The following AKAP10 variants were observed in gnomAD, a reference collection of about 807,000 sequenced individuals.
AKAP10 encodes A-kinase anchor protein 10, mitochondrial.
Under a neutral mutation model 80.8 loss-of-function variants are expected in AKAP10, and 24 were observed. The ratio of observed to expected loss-of-function variants is 0.30; its 90% CI spans 0.22 to 0.42. The LOEUF (loss-of-function observed/expected upper bound fraction) is 0.42. Among genes scored for constraint, AKAP10 ranks in the 10% least tolerant of loss-of-function variants. AKAP10 has a pLI of 1.00. For synonymous variants in AKAP10, 291 were observed against 277.7 expected, an observed-to-expected ratio of 1.05 and a Z score of -0.48; for missense variants, 661 against 794.9, an observed-to-expected ratio of 0.83 and a Z score of 2.03.
intron 10 of AKAP10, among the ~76,000 whole-genome samples, chr17:19,927,449 T>C (rs2152412261): frequency 6.6e-6 from 1 of 152,320 alleles, no homozygotes; most frequent in East Asian, 1.9e-4. Context: ...GGGACATTTA[T>C]CTAGAATATA....
Position 19,946,227 on chromosome 17 carries a change from T to TACTA in AKAP10, c.976+1179_976+1180insTAGT, listed in dbSNP as rs1567765372. 2.4e-3 allele frequency among the ~76,000 whole-genome samples: 55 copies of TACTA among 22,482 alleles called. 7 individuals are homozygous for TACTA. Among genetic ancestry groups the TACTA allele is most frequent in the African/African-American group, 9.4e-3 (53 of 5,618 alleles). 14.7% of individuals were successfully genotyped at this position (22,482 alleles called of 152,430 possible). On this transcript the variant is annotated intron_variant, in intron 5 of 14. Coordinates refer to ENST00000225737, the MANE Select transcript of AKAP10 (RefSeq NM_007202.4). ...ATTTTATATATATATATATTTTATA[T>TACTA]ATATATATATTATATATATATATAT...
chr17:19,942,689 G>A (rs1385509682), intron 5 of AKAP10, among the ~76,000 whole-genome samples: 6 of 152,146 alleles, frequency 3.9e-5, no homozygotes, highest in Admixed American at 3.9e-4. Context: ...ATAAACTGCA[G>A]CGAAACAATT....
intron 4 of AKAP10, among the ~76,000 whole-genome samples, chr17:19,951,795 A>T (rs1401565856): frequency 6.8e-6 from 1 of 147,028 alleles, no homozygotes; most frequent in Admixed American, 6.9e-5. Flanking sequence ...AAAACCAGAG[A>T]CCTTGTTCAC....
chr17:19,920,953 G>A (rs1381471614), intron 11 of AKAP10, among the ~76,000 whole-genome samples: 7 of 125,562 alleles, frequency 5.6e-5, no homozygotes, highest in Non-Finnish European at 1.2e-4. Context: ...GAGAAACATA[G>A]AGAATCTTTT....
At chr17:19,946,270 TATATA>T (rs1441874542) in intron 5 of AKAP10, among the ~76,000 whole-genome samples, 21 of 31,370 alleles carry the variant, frequency 6.7e-4, no homozygotes, top group South Asian at 3.1e-3. Context: ...TATATATATA[TATATA>T]TTTTTTTTTT....
chr17:19,912,953 A>G (rs1427758160), intron 12 of AKAP10, among the ~76,000 whole-genome samples: 1 of 151,570 alleles, frequency 6.6e-6, no homozygotes, highest in Non-Finnish European at 1.5e-5. Flanking sequence ...ACAGACCACA[A>G]TCTCCACATT....
At chr17:19,953,888 C>T (rs1018661335) in intron 4 of AKAP10, among the ~76,000 whole-genome samples, 13 of 152,098 alleles carry the variant, frequency 8.5e-5, no homozygotes, top group Admixed American at 4.6e-4. Flanking sequence ...AAAAATTAGT[C>T]GGGCATGGTG....
At chr17:19,956,046 A>C (rs1398374680) in intron 4 of AKAP10, among the ~76,000 whole-genome samples, 2 of 152,192 alleles carry the variant, frequency 1.3e-5, no homozygotes, top group African/African-American at 4.8e-5. Context: ...AGAATTTTGG[A>C]GTTTTACAGG....
At chr17:19,916,219 T>C (rs1165813238) in intron 12 of AKAP10, among the ~76,000 whole-genome samples, 1 of 152,170 alleles carries the variant, frequency 6.6e-6, no homozygotes, top group Non-Finnish European at 1.5e-5. Flanking sequence ...AAAATAGCAC[T>C]CCCTACTACT....
At chr17:19,976,626 T>C (rs1177076646) in intron 1 of AKAP10, among the ~76,000 whole-genome samples, 1 of 151,968 alleles carries the variant, frequency 6.6e-6, no homozygotes. Flanking sequence ...TTCAAGCGAT[T>C]CTCCTGCTTC....
intron 7 of AKAP10, among the ~76,000 whole-genome samples, chr17:19,940,528 A>T (rs1056388451): frequency 6.6e-5 from 10 of 152,170 alleles, no homozygotes; most frequent in Non-Finnish European, 1.0e-4. Flanking sequence ...TGATGAGCAT[A>T]AGAAAAAATT....
chr17:19,944,994 C>T (rs1303825558), intron 5 of AKAP10, among the ~76,000 whole-genome samples: 4 of 152,100 alleles, frequency 2.6e-5, no homozygotes, highest in Non-Finnish European at 4.4e-5. Flanking sequence ...TTAAAATAGT[C>T]CAACTGCAAG....
rs2042938328 is a variant in AKAP10, at chr17:19,931,903, C to A, written c.1543G>T (p.Asp515Tyr). The change falls in exon 10 of 15, where the codon GAT (aspartate) becomes TAT (tyrosine). Residue 515 changes from aspartate to tyrosine, a missense_variant. By Grantham distance (160) the Asp-to-Tyr change is radical. Coordinates refer to ENST00000225737, the MANE Select transcript of AKAP10 (RefSeq NM_007202.4). ...GACACGTTCCCGCCCAGAAATTCAT[C>A]TCCTCGAACCGAATGGATGAGATCA... ...LNDLIHSVRG[D>Y]EFLGGNVSLT... 1 of 1,613,982 alleles carries A rather than the reference C, an allele frequency of 6.2e-7. No homozygotes were observed. The highest frequency in any genetic ancestry group is 8.5e-7 in the Non-Finnish European group (1 of 1,180,042).
At chr17:19,968,505 G>C in intron 1 of AKAP10, 44 bp from the exon 2 acceptor site, 1 of 1,500,108 alleles carries the variant, frequency 6.7e-7, no homozygotes, top group Non-Finnish European at 9.3e-7. Flanking sequence ...TGCAGTCAGA[G>C]ATCCATTCTA....
At chr17:19,974,539 C>T (rs2043541275) in intron 1 of AKAP10, among the ~76,000 whole-genome samples, 1 of 152,060 alleles carries the variant, frequency 6.6e-6, no homozygotes, top group Non-Finnish European at 1.5e-5. Flanking sequence ...CAAACTGAAC[C>T]TAAAGTTGGA....
At chr17:19,973,275 G>A (rs947063886) in intron 1 of AKAP10, among the ~76,000 whole-genome samples, 4 of 152,156 alleles carry the variant, frequency 2.6e-5, no homozygotes, top group Non-Finnish European at 4.4e-5. Flanking sequence ...CCCACTACCA[G>A]TTTTTGTAAG....
At position 19,975,770 on chromosome 17, in the gene AKAP10, C is replaced by A. The variant is rs565421649; in HGVS notation, c.88+1822G>T. Among the ~76,000 whole-genome samples, 7 of 152,264 alleles carry A rather than the reference C, an allele frequency of 4.6e-5. 1 individual carries two copies. In the South Asian group the frequency reaches 1.4e-3, roughly 32 times the overall value. On this transcript the variant is annotated intron_variant, in intron 1 of 14. Coordinates refer to ENST00000225737, the MANE Select transcript of AKAP10 (RefSeq NM_007202.4). The stretch of plus-strand genomic sequence containing the variant: ...GGCCTAGCACAGCACCTGGCAGACT[C>A]TGGACACTCAAAAGGTATTTGTTGA...
chr17:19,971,421 A>G (rs112296946), intron 1 of AKAP10, among the ~76,000 whole-genome samples: 14,321 of 151,580 alleles, frequency 0.094, 770 homozygotes, highest in Non-Finnish European at 0.12. Flanking sequence ...AGGCAGGAGA[A>G]TCACTTTAAC....
At chr17:19,964,529 A>C (rs1362792050) in intron 2 of AKAP10, among the ~76,000 whole-genome samples, 3 of 152,170 alleles carry the variant, frequency 2.0e-5, no homozygotes, top group Non-Finnish European at 4.4e-5. Flanking sequence ...TCAAATCTTT[A>C]ATTATTACCA....
Sources: gnomAD v4.1 joint callset for allele counts (sites outside exome capture counted in the v4.1 genomes callset) on GRCh38, gnomAD v4.1.1 for gene constraint, MANE v1.5 for transcripts, NCBI Gene and HGNC (gene_info 2026-07-23, HGNC 2026-07-21) for gene names.